Variants in NFIB observed in about 807,000 individuals in gnomAD.
NFIB encodes the protein nuclear factor 1 B-type.
NFIB carries 11 observed loss-of-function variants against 61.5 expected under a neutral mutation model. The ratio of observed to expected loss-of-function variants is 0.18; its 90% CI spans 0.11 to 0.30. NFIB has a LOEUF of 0.30. Among genes scored for constraint, NFIB ranks in the 10% least tolerant of loss-of-function variants. NFIB has a pLI of 1.00. For missense variants in NFIB, 471 were observed against 608.9 expected, an observed-to-expected ratio of 0.77 and a Z score of 2.38; for synonymous variants, 260 against 216.5, an observed-to-expected ratio of 1.20 and a Z score of -1.76.
At chr9:14,426,350 C>A in the NFIB span, among the ~76,000 whole-genome samples, 4 of 152,134 alleles carry the variant, frequency 2.6e-5, no homozygotes, top group Non-Finnish European at 4.4e-5. Flanking sequence ...CTCTGTGATC[C>A]CATGAGGCTT....
intron 9 of NFIB, among the ~76,000 whole-genome samples, chr9:14,115,641 G>C (rs16931356): frequency 2.0e-5 from 3 of 152,062 alleles, no homozygotes; most frequent in African/African-American, 7.3e-5. Flanking sequence ...CTTGCAGATA[G>C]TGAAAGTACA....
the NFIB span, among the ~76,000 whole-genome samples, chr9:14,465,412 CA>C: frequency 6.6e-6 from 1 of 152,100 alleles, no homozygotes; most frequent in African/African-American, 2.4e-5. Flanking sequence ...AAAAAATAAA[CA>C]CTCTGTTTGA....
chr9:14,463,491 C>G, the NFIB span, among the ~76,000 whole-genome samples: 1 of 151,932 alleles, frequency 6.6e-6, no homozygotes, highest in African/African-American at 2.4e-5. Context: ...TGTCACCCAT[C>G]AATGTCAGGA....
intron 1 of NFIB, among the ~76,000 whole-genome samples, chr9:14,366,009 T>A (rs1288022444): frequency 6.6e-6 from 1 of 152,188 alleles, no homozygotes; most frequent in African/African-American, 2.4e-5. Context: ...TAGGAACAAG[T>A]AGATGTAAAA....
At position 14,127,232 on chromosome 9, in the gene NFIB, G is replaced by C. The variant is rs566698908; in HGVS notation, c.926-1466C>G. On this transcript the variant is annotated intron_variant, in intron 6 of 10. Coordinates refer to ENST00000380953, the MANE Select transcript of NFIB (RefSeq NM_001190737.2). ...CATGCAGTTTGTTGGAATAAGCAGGGAGTTGAGAGATATGCCTTGGTTTTA... is the reference window on the plus strand; with the variant it reads ...CATGCAGTTTGTTGGAATAAGCAGGCAGTTGAGAGATATGCCTTGGTTTTA... 7.0e-4 allele frequency among the ~76,000 whole-genome samples: 107 copies of C among 152,306 alleles called. No homozygotes were observed. The South Asian group carries it at 9.1e-3, about 13-fold the overall frequency.
the NFIB span, among the ~76,000 whole-genome samples, chr9:14,514,943 A>G: frequency 1.3e-5 from 2 of 152,142 alleles, no homozygotes; most frequent in Non-Finnish European, 2.9e-5. Context: ...CTAAGATATT[A>G]TATCTCCTTA....
chr9:14,417,656 A>G, the NFIB span, among the ~76,000 whole-genome samples: 1 of 152,124 alleles, frequency 6.6e-6, no homozygotes, highest in Non-Finnish European at 1.5e-5. Flanking sequence ...AGTATTTTAA[A>G]CTGAGATCCT....
chr9:14,276,662 T>G (rs1448258126), intron 2 of NFIB, among the ~76,000 whole-genome samples: 1 of 152,104 alleles, frequency 6.6e-6, no homozygotes, highest in Non-Finnish European at 1.5e-5. Flanking sequence ...TAATAATATC[T>G]ATCTTGTGAA....
chr9:14,348,050 G>A (rs2061054897), intron 1 of NFIB, among the ~76,000 whole-genome samples: 1 of 152,146 alleles, frequency 6.6e-6, no homozygotes, highest in Non-Finnish European at 1.5e-5. Flanking sequence ...GCCCTAACCT[G>A]GGCATTTATG....
At chr9:14,206,332 A>T (rs1370407373) in intron 2 of NFIB, among the ~76,000 whole-genome samples, 2 of 151,646 alleles carry the variant, frequency 1.3e-5, no homozygotes, top group African/African-American at 2.4e-5. Context: ...GCACCTGGCT[A>T]ATTTTTTTGT....
At chr9:14,123,162 CAGG>C (rs1468648138) in intron 7 of NFIB, among the ~76,000 whole-genome samples, 1 of 150,460 alleles carries the variant, frequency 6.6e-6, no homozygotes, top group Non-Finnish European at 1.5e-5. Context: ...GAGGCTGAGG[CAGG>C]AGAATTGCTT....
At chr9:14,421,172 T>C in the NFIB span, among the ~76,000 whole-genome samples, 1 of 152,164 alleles carries the variant, frequency 6.6e-6, no homozygotes, top group African/African-American at 2.4e-5. Context: ...TCTTCCTTCC[T>C]GTTTTTCTTC....
At chr9:14,316,672 A>T (rs1487074921), upstream of NFIB, among the ~76,000 whole-genome samples, 1 of 152,094 alleles carries the variant, frequency 6.6e-6, no homozygotes, top group Non-Finnish European at 1.5e-5. Context: ...TCTTAGATTA[A>T]ACACACACAG....
chr9:14,504,387 G>A, the NFIB span, among the ~76,000 whole-genome samples: 3 of 152,048 alleles, frequency 2.0e-5, no homozygotes, highest in Admixed American at 6.6e-5. Context: ...GCTTTGATGG[G>A]AATTGCATTG....
chr9:14,289,045 CTT>C (rs1326855003), intron 2 of NFIB, among the ~76,000 whole-genome samples: 1 of 148,068 alleles, frequency 6.8e-6, no homozygotes, highest in Non-Finnish European at 1.5e-5. Context: ...TATATTATAT[CTT>C]GTCCTTTTTT....
At chr9:14,487,969 T>C in the NFIB span, among the ~76,000 whole-genome samples, 1 of 152,090 alleles carries the variant, frequency 6.6e-6, no homozygotes, top group Non-Finnish European at 1.5e-5. Context: ...CCAGAGGAAG[T>C]CTAAAGAACA....
chr9:14,321,700 AAG>A lies in NFIB; in HGVS notation c.109-14182_109-14181del, dbSNP rs1328793719. On this transcript the variant is annotated intron_variant, in intron 1 of 8. Transcript: ENST00000380934. ...AATGTTACTCACTGATTCCCGTCAT[AAG>A]AGTGTGTCACATGTACTAAAGTTGC... Among the ~76,000 whole-genome samples the A allele has an allele frequency of 6.6e-5, 10 of 152,316 alleles. No individual in the cohort carries two copies. The South Asian group carries it at 1.9e-3, about 28-fold the overall frequency.
the NFIB span, among the ~76,000 whole-genome samples, chr9:14,468,690 A>C: frequency 1.9e-4 from 29 of 152,216 alleles, no homozygotes; most frequent in African/African-American, 7.0e-4. Flanking sequence ...GTGGAGATAC[A>C]GTGGATGTAT....
chr9:14,295,488 G>A (rs1461654131), intron 2 of NFIB, among the ~76,000 whole-genome samples: 2 of 151,894 alleles, frequency 1.3e-5, no homozygotes, highest in Non-Finnish European at 2.9e-5. Context: ...AAACTCAGCC[G>A]GGCGTGGGGA....
Sources: gnomAD v4.1 joint callset for allele counts (sites outside exome capture counted in the v4.1 genomes callset) on GRCh38, gnomAD v4.1.1 for gene constraint, MANE v1.5 for transcripts, NCBI Gene and HGNC (gene_info 2026-07-23, HGNC 2026-07-21) for gene names.